Variants in TM2D1 observed in about 807,000 individuals in gnomAD.
The protein encoded by TM2D1 is TM2 domain-containing protein 1.
In TM2D1, 15 loss-of-function variants were observed where a neutral mutation model predicts 28.4. The observed-to-expected ratio is 0.53, with a 90% CI of 0.35 to 0.81. The LOEUF (loss-of-function observed/expected upper bound fraction) is 0.81. Among genes scored for constraint, TM2D1 ranks in the 40% least tolerant of loss-of-function variants. The pLI is 0.01. For missense variants in TM2D1, 236 were observed against 254.9 expected (o/e 0.93, Z 0.50); for synonymous variants, 93 against 96.2 (o/e 0.97, Z 0.20).
chr1:61,711,120 T>G (rs1010042389), intron 2 of TM2D1, among the ~76,000 whole-genome samples: 2 of 152,032 alleles, frequency 1.3e-5, no homozygotes, highest in African/African-American at 4.8e-5. Context: ...GATGGATCAC[T>G]TGAGGTTTGG....
chr1:61,716,250 T>C (rs1280478732), intron 2 of TM2D1, among the ~76,000 whole-genome samples: 1 of 150,988 alleles, frequency 6.6e-6, no homozygotes, highest in Non-Finnish European at 1.5e-5. Context: ...GCCTAGGAGA[T>C]CCAGGCTGCA....
intron 5 of TM2D1, among the ~76,000 whole-genome samples, chr1:61,688,083 T>C (rs1350311199): frequency 6.6e-6 from 1 of 152,190 alleles, no homozygotes; most frequent in Non-Finnish European, 1.5e-5. Context: ...CTGACTTCAT[T>C]TGACTTAAAG....
chr1:61,718,909 T>C (rs1010601971), intron 2 of TM2D1, among the ~76,000 whole-genome samples: 1 of 152,206 alleles, frequency 6.6e-6, no homozygotes, highest in African/African-American at 2.4e-5. Context: ...GATTTTAGGA[T>C]CCTGTACTGG....
At chr1:61,681,387 T>C (rs1333289143) in intron 6 of TM2D1, 37 bp from the exon 7 acceptor site, 3 of 152,188 alleles carry the variant, frequency 2.0e-5, no homozygotes, top group African/African-American at 4.8e-5. Flanking sequence ...AAACACAATA[T>C]TTTTTAAGAG....
At chr1:61,712,599 T>G (rs1217905919) in intron 2 of TM2D1, among the ~76,000 whole-genome samples, 1 of 152,086 alleles carries the variant, frequency 6.6e-6, no homozygotes, top group Non-Finnish European at 1.5e-5. Context: ...TTAGTAGAGA[T>G]GGGGTTTCAC....
intron 3 of TM2D1, among the ~76,000 whole-genome samples, chr1:61,704,328 T>C (rs1644425620): frequency 6.6e-6 from 1 of 152,084 alleles, no homozygotes; most frequent in Admixed American, 6.6e-5. Context: ...GGACCAAGCA[T>C]ATCAAGACTT....
chr1:61,685,071 C>A (rs1467944024), intron 5 of TM2D1, among the ~76,000 whole-genome samples: 1 of 152,164 alleles, frequency 6.6e-6, no homozygotes, highest in African/African-American at 2.4e-5. Context: ...TCCCAAAGAG[C>A]TGGAATTACA....
chr1:61,707,117 T>C (rs1644447239), intron 3 of TM2D1, among the ~76,000 whole-genome samples: 1 of 151,958 alleles, frequency 6.6e-6, no homozygotes, highest in Non-Finnish European at 1.5e-5. Context: ...TAGCCGAGCT[T>C]TGGGGCATGC....
At chr1:61,693,074 A>T (rs141474683) in intron 5 of TM2D1, among the ~76,000 whole-genome samples, 6 of 152,108 alleles carry the variant, frequency 3.9e-5, no homozygotes, top group African/African-American at 2.4e-5. Flanking sequence ...TTGTCTCTTC[A>T]GAATATACAA....
At chr1:61,693,872 T>C (rs1041348952) in intron 5 of TM2D1, among the ~76,000 whole-genome samples, 17 of 152,230 alleles carry the variant, frequency 1.1e-4, no homozygotes, top group African/African-American at 3.9e-4. Context: ...TGTCAACATT[T>C]GTTGTGAAAA....
intron 1 of TM2D1, among the ~76,000 whole-genome samples, 182 bp from the exon 2 acceptor site, chr1:61,723,968 G>T (rs2148073029): frequency 6.6e-6 from 1 of 152,298 alleles, no homozygotes; most frequent in East Asian, 1.9e-4. Context: ...CTTGAGGCAG[G>T]AGGATCACTG....
intron 2 of TM2D1, among the ~76,000 whole-genome samples, chr1:61,719,434 T>A (rs552796571): frequency 1.0e-3 from 140 of 137,030 alleles, no homozygotes; most frequent in Non-Finnish European, 1.8e-3. Context: ...AGAGAGAGAG[T>A]ATGTTAACAA....
intron 4 of TM2D1, among the ~76,000 whole-genome samples, chr1:61,696,991 A>G (rs1305130937): frequency 3.9e-5 from 6 of 152,284 alleles, no homozygotes; most frequent in African/African-American, 1.4e-4. Flanking sequence ...AGTAGCAGAA[A>G]TAGTGACAAC....
At chr1:61,694,674 A>G in intron 5 of TM2D1, 23 bp downstream of exon 5, 1 of 1,531,962 alleles carries the variant, frequency 6.5e-7, no homozygotes, top group Non-Finnish European at 8.9e-7. Context: ...AAAGTAGTTT[A>G]CATTCTAGAT....
intron 2 of TM2D1, among the ~76,000 whole-genome samples, chr1:61,712,418 A>G (rs754313279): frequency 1.9e-4 from 29 of 152,228 alleles, no homozygotes; most frequent in South Asian, 8.3e-4. Flanking sequence ...CAGTTTGTTC[A>G]TTTATTTATT....
At chr1:61,720,563 C>T (rs988001492) in intron 2 of TM2D1, among the ~76,000 whole-genome samples, 2 of 151,882 alleles carry the variant, frequency 1.3e-5, no homozygotes, top group African/African-American at 2.4e-5. Context: ...TTCTTGAGGG[C>T]AGGGATTATG....
At position 61,723,548 on chromosome 1, in the gene TM2D1, G is replaced by C. The variant is rs72927609; in HGVS notation, c.238+165C>G. On this transcript the variant is annotated intron_variant, in intron 2 of 6. Coordinates refer to ENST00000606498, the MANE Select transcript of TM2D1 (RefSeq NM_032027.3). ...AAGATTCTTTTTTAAATTAAATACT[G>C]ACAACCTCTAGGTAGTTCTCCAGTT... Among the ~76,000 whole-genome samples the C allele has an allele frequency of 0.021, 3,138 of 152,058 alleles. 112 individuals are homozygous for C. Among genetic ancestry groups the C allele is most frequent in the African/African-American group, 0.072 (2,979 of 41,464 alleles).
At chr1:61,688,521 G>A (rs998407088) in intron 5 of TM2D1, among the ~76,000 whole-genome samples, 2 of 152,130 alleles carry the variant, frequency 1.3e-5, no homozygotes, top group African/African-American at 4.8e-5. Context: ...TCAAGAGATC[G>A]AGACCATCCT....
At chr1:61,689,549 T>C (rs1342321001) in intron 5 of TM2D1, among the ~76,000 whole-genome samples, 1 of 152,162 alleles carries the variant, frequency 6.6e-6, no homozygotes, top group Non-Finnish European at 1.5e-5. Context: ...TTTTAAAAAT[T>C]TTTTGTAGAT....
Sources: gnomAD v4.1 joint callset for allele counts (sites outside exome capture counted in the v4.1 genomes callset) on GRCh38, gnomAD v4.1.1 for gene constraint, MANE v1.5 for transcripts, NCBI Gene and HGNC (gene_info 2026-07-23, HGNC 2026-07-21) for gene names.